The following USP47 variants were observed in gnomAD, a reference collection of about 807,000 sequenced individuals.
USP47 encodes the protein ubiquitin carboxyl-terminal hydrolase 47.
In USP47, 35 loss-of-function variants were observed where a neutral mutation model predicts 165.1. The observed-to-expected ratio is 0.21, with a 90% CI of 0.16 to 0.28. The LOEUF (loss-of-function observed/expected upper bound fraction) is 0.28, where lower values mean the gene tolerates loss of function less well. Among genes scored for constraint, USP47 ranks in the 10% least tolerant of loss-of-function variants. USP47 has a pLI of 1.00. For missense variants in USP47, 1,277 were observed against 1,607.4 expected (o/e 0.79, Z 3.52); for synonymous variants, 531 against 544.5 (o/e 0.98, Z 0.35).
At chr11:11,955,883 T>C (rs1856531014) in intron 27 of USP47, 118 bp from the exon 28 acceptor site, 2 of 806,524 alleles carry the variant, frequency 2.5e-6, no homozygotes, top group Non-Finnish European at 1.9e-6. Context: ...TAAAATAATA[T>C]TACTTCACCA....
intron 24 of USP47, chr11:11,951,608 G>A (rs1363985149): frequency 6.6e-6 from 1 of 152,082 alleles, no homozygotes; most frequent in Admixed American, 6.5e-5. Flanking sequence ...TTCTTCTGTA[G>A]AAAGTAAAAT....
intron 1 of USP47, among the ~76,000 whole-genome samples, chr11:11,876,962 C>T (rs1850465482): frequency 6.6e-6 from 1 of 151,998 alleles, no homozygotes; most frequent in East Asian, 1.9e-4. Context: ...CACCTCAAGA[C>T]GTAATTGTTT....
intron 2 of USP47, among the ~76,000 whole-genome samples, chr11:11,882,717 C>G (rs932205832): frequency 2.6e-5 from 4 of 152,144 alleles, no homozygotes; most frequent in Non-Finnish European, 5.9e-5. Context: ...CTCCTATGCC[C>G]TTTGGCTGCA....
chr11:11,882,445 A>T (rs115905502), intron 2 of USP47, among the ~76,000 whole-genome samples: 2 of 152,210 alleles, frequency 1.3e-5, no homozygotes, highest in Non-Finnish European at 2.9e-5. Flanking sequence ...TTGTTTTTTT[A>T]AAAATATAGA....
intron 11 of USP47, among the ~76,000 whole-genome samples, 192 bp from the exon 12 acceptor site, chr11:11,929,242 C>T (rs1483258808): frequency 2.0e-5 from 3 of 152,018 alleles, no homozygotes; most frequent in African/African-American, 7.2e-5. Context: ...ACTGATGAAA[C>T]TTGTGTAACT....
chr11:11,867,346 C>G (rs1338353838), intron 1 of USP47, among the ~76,000 whole-genome samples: 8 of 152,120 alleles, frequency 5.3e-5, no homozygotes, highest in African/African-American at 1.7e-4. Context: ...TTCATTCTCT[C>G]TCTTCAGGAT....
chr11:11,849,226 A>G (rs576004058), intron 1 of USP47, among the ~76,000 whole-genome samples: 1 of 152,346 alleles, frequency 6.6e-6, no homozygotes, highest in East Asian at 1.9e-4. Context: ...ATTTCAGTTT[A>G]TAATGACTCC....
intron 1 of USP47, among the ~76,000 whole-genome samples, chr11:11,857,367 T>A: frequency 6.6e-6 from 1 of 152,266 alleles, no homozygotes; most frequent in Non-Finnish European, 1.5e-5. Flanking sequence ...TGGTGAAAAA[T>A]TATATATTTA....
chr11:11,958,255 CTCTGT>C lies in USP47; in HGVS notation c.*2084_*2088del, dbSNP rs1417604095. On this transcript the variant is annotated 3_prime_UTR_variant, in exon 28 of 28. Transcript: ENST00000527733. The stretch of plus-strand genomic sequence containing the variant: ...CCCACTCTTTAGACTGTGCCTTCTG[CTCTGT>C]TCTTTGTTTTATGTTTAACTGCTGT... 3.3e-5 allele frequency: 5 copies of C among 152,214 alleles called. No homozygotes were observed. The highest frequency in any genetic ancestry group is 1.2e-4 in the African/African-American group (5 of 41,460). 9.4% of individuals were successfully genotyped at this position (152,214 alleles called of 1,614,324 possible).
chr11:11,909,567 C>A (rs1852812744), intron 8 of USP47, among the ~76,000 whole-genome samples: 1 of 152,088 alleles, frequency 6.6e-6, no homozygotes, highest in Non-Finnish European at 1.5e-5. Flanking sequence ...TAGACACTGT[C>A]TTTTTATTGG....
At chr11:11,842,839 C>CT (rs56251946) in intron 1 of USP47, among the ~76,000 whole-genome samples, 4,242 of 111,234 alleles carry the variant, frequency 0.038, 246 homozygotes, top group African/African-American at 0.13. Context: ...GAGCTGAACT[C>CT]TTTTTTTTTT....
At chr11:11,868,207 C>G (rs10831686) in intron 1 of USP47, among the ~76,000 whole-genome samples, 91,815 of 152,084 alleles carry the variant, frequency 0.6, 29,597 homozygotes, top group African/African-American at 0.83. Flanking sequence ...CCAAGATATT[C>G]ACGTGATATA....
chr11:11,952,913 T>C (rs1368988345), intron 25 of USP47, 42 bp downstream of exon 25: 1 of 1,347,398 alleles, frequency 7.4e-7, no homozygotes, highest in South Asian at 2.1e-5. Flanking sequence ...ATGTTGTATA[T>C]GTATATCATA....
intron 11 of USP47, among the ~76,000 whole-genome samples, chr11:11,923,992 G>T (rs1320354133): frequency 3.3e-5 from 5 of 152,176 alleles, no homozygotes; most frequent in Non-Finnish European, 7.3e-5. Flanking sequence ...TTTCCCATCT[G>T]CATGCCTTTT....
intron 17 of USP47, among the ~76,000 whole-genome samples, chr11:11,936,993 C>T (rs772961153): frequency 1.1e-4 from 16 of 151,792 alleles, no homozygotes; most frequent in Non-Finnish European, 1.9e-4. Flanking sequence ...AATTTTTCGT[C>T]ATCCTCTCTA....
At chr11:11,919,430 G>A (rs1033659165) in intron 8 of USP47, among the ~76,000 whole-genome samples, 1 of 151,690 alleles carries the variant, frequency 6.6e-6, no homozygotes, top group African/African-American at 2.4e-5. Flanking sequence ...TTTTTTAATC[G>A]TGAAAAACCA....
chr11:11,956,310 C>G lies in USP47; in HGVS notation c.*135C>G. On this transcript the variant is annotated 3_prime_UTR_variant, in exon 28 of 28. Coordinates refer to ENST00000527733, the MANE Select transcript of USP47 (RefSeq NM_001282659.2). ...CCAGCACTGATTGGACTGCCCTACA[C>G]CAATCAGAAGCTCAGTGCCCAATGG... is the stretch of plus-strand genomic sequence containing the variant. The G allele has an allele frequency of 1.2e-6, 1 of 829,994 alleles. No homozygotes were observed. Among genetic ancestry groups the G allele is most frequent in the Non-Finnish European group, 1.8e-6 (1 of 545,776 alleles). The allele number at this position is 829,994 out of a possible 1,614,324, so 51.4% of individuals were successfully genotyped here.
intron 17 of USP47, among the ~76,000 whole-genome samples, chr11:11,937,264 C>A (rs567758045): frequency 1.3e-5 from 2 of 151,922 alleles, no homozygotes; most frequent in Non-Finnish European, 2.9e-5. Flanking sequence ...AAAATCCATA[C>A]TGTTTTGTCT....
At chr11:11,934,259 A>T (rs1164760694) in intron 16 of USP47, among the ~76,000 whole-genome samples, 1 of 152,148 alleles carries the variant, frequency 6.6e-6, no homozygotes, top group Non-Finnish European at 1.5e-5. Context: ...ATTAGAGTGA[A>T]TAAGATAACA....
Sources: allele counts gnomAD v4.1 joint callset (sites outside exome capture counted in the v4.1 genomes callset), GRCh38; gene constraint gnomAD v4.1.1; transcripts MANE v1.5; gene names NCBI Gene and HGNC (gene_info 2026-07-23, HGNC 2026-07-21).